The following CDH13 variants were observed in gnomAD, a reference collection of about 807,000 sequenced individuals.
CDH13 encodes the protein cadherin 13.
Under a neutral mutation model 63.8 loss-of-function variants are expected in CDH13, and 24 were observed. The observed-to-expected ratio is 0.38, with a 90% CI of 0.27 to 0.53. The LOEUF is 0.53. CDH13 is among the 20% of genes least tolerant of loss of function. CDH13 has a pLI of 0.85. For missense variants in CDH13, 1,049 were observed against 903.1 expected (o/e 1.16, Z -2.07); for synonymous variants, 503 against 355.3 (o/e 1.42, Z -4.67).
Position 82,793,140 on chromosome 16 carries a change from C to T in CDH13, c.46-65222C>T, listed in dbSNP as rs144669972. 1.7e-4 allele frequency among the ~76,000 whole-genome samples: 26 copies of T among 152,328 alleles called. 1 individual carries two copies. The highest frequency in any genetic ancestry group is 2.8e-4 in the Non-Finnish European group (19 of 68,030). ...AAACAAGTGGCCCATGAAATGGAGG[C>T]ACCAGAAGCCTCTGGAAGCGGCATC... On this transcript the variant is annotated intron_variant, in intron 1 of 13. Coordinates refer to ENST00000567109, the MANE Select transcript of CDH13 (RefSeq NM_001257.5).
chr16:83,168,703 A>G (rs1597455656), intron 4 of CDH13, among the ~76,000 whole-genome samples: 1 of 152,292 alleles, frequency 6.6e-6, no homozygotes, highest in East Asian at 1.9e-4. Context: ...ATATGAGTAT[A>G]ATTAAATACA....
At chr16:83,567,734 T>G (rs1000005433) in intron 7 of CDH13, among the ~76,000 whole-genome samples, 20 of 152,170 alleles carry the variant, frequency 1.3e-4, no homozygotes, top group African/African-American at 4.6e-4. Flanking sequence ...TAGCTGGCAC[T>G]ACAGGCGCCC....
intron 6 of CDH13, among the ~76,000 whole-genome samples, chr16:83,460,480 T>C (rs1031659174): frequency 2.3e-4 from 35 of 152,186 alleles, no homozygotes; most frequent in Admixed American, 1.5e-3. Context: ...TACATGCTCA[T>C]TGATGGAAGC....
intron 7 of CDH13, among the ~76,000 whole-genome samples, chr16:83,507,303 C>G (rs1210323295): frequency 6.6e-6 from 1 of 152,196 alleles, no homozygotes; most frequent in Admixed American, 6.5e-5. Context: ...GTAATGTATG[C>G]ATTCTTCAAA....
At chr16:83,708,724 C>A (rs1324548675) in intron 10 of CDH13, among the ~76,000 whole-genome samples, 1 of 152,182 alleles carries the variant, frequency 6.6e-6, no homozygotes, top group Admixed American at 6.5e-5. Context: ...CCATAAAAGT[C>A]CTTATAAGAA....
At chr16:82,715,045 A>G (rs1206993425) in intron 1 of CDH13, among the ~76,000 whole-genome samples, 3 of 146,692 alleles carry the variant, frequency 2.0e-5, no homozygotes, top group African/African-American at 7.5e-5. Context: ...CTATGTCTAG[A>G]TCCAAAGTCA....
intron 2 of CDH13, among the ~76,000 whole-genome samples, chr16:83,013,865 A>C (rs1338133538): frequency 6.6e-6 from 1 of 152,180 alleles, no homozygotes; most frequent in Non-Finnish European, 1.5e-5. Flanking sequence ...GGAATCCAAA[A>C]GACAGAAGGA....
At chr16:83,734,538 C>T (rs1911347640) in intron 10 of CDH13, among the ~76,000 whole-genome samples, 1 of 148,572 alleles carries the variant, frequency 6.7e-6, no homozygotes, top group Non-Finnish European at 1.5e-5. Flanking sequence ...ACAATGAGAA[C>T]ACATGGACAC....
intron 7 of CDH13, among the ~76,000 whole-genome samples, chr16:83,558,869 G>A (rs961883936): frequency 1.3e-5 from 2 of 152,194 alleles, no homozygotes; most frequent in African/African-American, 4.8e-5. Context: ...CATGCGTAGT[G>A]TGCGGGTATC....
intron 8 of CDH13, among the ~76,000 whole-genome samples, chr16:83,668,673 G>A (rs984823925): frequency 6.6e-6 from 1 of 152,224 alleles, no homozygotes; most frequent in Admixed American, 6.5e-5. Flanking sequence ...AGGTGGGCAG[G>A]AGTGGCAGAG....
intron 5 of CDH13, among the ~76,000 whole-genome samples, chr16:83,322,161 A>T (rs1385955106): frequency 1.3e-5 from 2 of 152,194 alleles, no homozygotes; most frequent in African/African-American, 4.8e-5. Context: ...CACAAAGAGG[A>T]GGGAAACTGA....
intron 5 of CDH13, among the ~76,000 whole-genome samples, chr16:83,244,654 T>C (rs1904805963): frequency 2.6e-5 from 4 of 152,158 alleles, no homozygotes; most frequent in Admixed American, 2.6e-4. Context: ...TCTAGTTGCA[T>C]TTGTTGCTAA....
At chr16:82,672,681 C>T (rs547077051) in intron 1 of CDH13, among the ~76,000 whole-genome samples, 1 of 152,100 alleles carries the variant, frequency 6.6e-6, no homozygotes, top group African/African-American at 2.4e-5. Context: ...ATTCTCCTCA[C>T]TGATTCACTG....
intron 1 of CDH13, among the ~76,000 whole-genome samples, chr16:82,683,892 T>C (rs1161324283): frequency 6.6e-6 from 1 of 152,258 alleles, no homozygotes; most frequent in Non-Finnish European, 1.5e-5. Flanking sequence ...TCTGTGTTGA[T>C]AAAAATTGTG....
intron 1 of CDH13, among the ~76,000 whole-genome samples, chr16:82,809,296 C>G (rs924018724): frequency 2.4e-5 from 3 of 123,892 alleles, no homozygotes; most frequent in Non-Finnish European, 3.3e-5. Flanking sequence ...TTGACCACCT[C>G]TCAAGTTATT....
At chr16:82,815,125 C>T (rs921465314) in intron 1 of CDH13, among the ~76,000 whole-genome samples, 8 of 152,186 alleles carry the variant, frequency 5.3e-5, no homozygotes, top group African/African-American at 1.9e-4. Flanking sequence ...GTTCATGACC[C>T]ACCTGAATGC....
intron 1 of CDH13, among the ~76,000 whole-genome samples, chr16:82,856,267 T>G (rs1225860787): frequency 2.0e-5 from 3 of 150,348 alleles, no homozygotes; most frequent in African/African-American, 4.9e-5. Flanking sequence ...TCCCACTTAC[T>G]CGGGAGGCTG....
At chr16:83,754,654 G>A (rs1913357414) in intron 11 of CDH13, among the ~76,000 whole-genome samples, 1 of 152,102 alleles carries the variant, frequency 6.6e-6, no homozygotes. Flanking sequence ...GTTTTATCAG[G>A]GGTTTCCACT....
intron 7 of CDH13, 81 bp from the exon 8 acceptor site, chr16:83,602,373 C>G: frequency 1.4e-6 from 2 of 1,426,084 alleles, no homozygotes; most frequent in South Asian, 1.1e-5. Flanking sequence ...AGAGACAGCT[C>G]CAGCAACACG....
Sources: gnomAD v4.1 joint callset for allele counts (sites outside exome capture counted in the v4.1 genomes callset) on GRCh38, gnomAD v4.1.1 for gene constraint, MANE v1.5 for transcripts, NCBI Gene and HGNC (gene_info 2026-07-23, HGNC 2026-07-21) for gene names.